The following NUMB variants were observed in gnomAD, a reference collection of about 807,000 sequenced individuals.
NUMB encodes NUMB endocytic adaptor protein.
A neutral mutation model predicts 59.7 loss-of-function variants in NUMB; 29 were observed. The ratio of observed to expected loss-of-function variants is 0.49; its 90% confidence interval spans 0.36 to 0.66. The LOEUF is 0.66. Ranked by LOEUF, NUMB falls within the 30% of genes least tolerant of loss-of-function variation. NUMB has a pLI of 0.00. For missense variants in NUMB, 723 were observed against 822.0 expected, an observed-to-expected ratio of 0.88 and a Z score of 1.47; for synonymous variants, 288 against 288.2, an observed-to-expected ratio of 1.00 and a Z score of 0.01.
At chr14:73,455,778 T>C (rs974939330) in intron 1 of NUMB, among the ~76,000 whole-genome samples, 1 of 152,232 alleles carries the variant, frequency 6.6e-6, no homozygotes, top group Non-Finnish European at 1.5e-5. Context: ...TTATTTTCTA[T>C]ACATGAAATT....
At chr14:73,369,704 CAT>C (rs1264058508) in intron 2 of NUMB, among the ~76,000 whole-genome samples, 6 of 152,196 alleles carry the variant, frequency 3.9e-5, no homozygotes, top group Non-Finnish European at 2.9e-5. Flanking sequence ...AACAGATTTA[CAT>C]ATGATACAAA....
chr14:73,450,108 G>A (rs1278215935), intron 1 of NUMB, among the ~76,000 whole-genome samples: 1 of 152,184 alleles, frequency 6.6e-6, no homozygotes, highest in Non-Finnish European at 1.5e-5. Context: ...GATCTAATGT[G>A]ATAATTATTA....
chr14:73,342,908 G>A (rs182614333), intron 4 of NUMB, among the ~76,000 whole-genome samples: 12 of 152,126 alleles, frequency 7.9e-5, no homozygotes, highest in South Asian at 4.2e-4. Flanking sequence ...GCAGTGATGC[G>A]ATCATGGCTT....
At chr14:73,288,853 C>G (rs1167364587) in intron 8 of NUMB, among the ~76,000 whole-genome samples, 1 of 151,730 alleles carries the variant, frequency 6.6e-6, no homozygotes, top group East Asian at 1.9e-4. Flanking sequence ...GAGCAAAACT[C>G]CGTCTCAAAA....
At chr14:73,430,672 T>C (rs963045843) in intron 1 of NUMB, among the ~76,000 whole-genome samples, 14 of 151,860 alleles carry the variant, frequency 9.2e-5, no homozygotes, top group African/African-American at 3.4e-4. Flanking sequence ...CCAGGCGTGG[T>C]GGCTCAAGCC....
intron 1 of NUMB, among the ~76,000 whole-genome samples, chr14:73,456,693 G>C (rs1187599700): frequency 6.6e-6 from 1 of 152,074 alleles, no homozygotes; most frequent in Non-Finnish European, 1.5e-5. Context: ...GGATCTTTTA[G>C]GCAATTTGCC....
In NUMB at chr14:73,275,903, T is replaced by C. The variant is rs1448807342; in HGVS notation, c.*675A>G. On this transcript the variant is annotated 3_prime_UTR_variant, in exon 13 of 13. Transcript: ENST00000555238. ...TACAATTTCTTACAACTAGCCCCTT[T>C]ACCTTTGGCAAGATTACTTACAACT... The C allele has an allele frequency of 6.6e-6, 1 of 152,668 alleles. No individual in the cohort carries two copies. Among genetic ancestry groups the C allele is most frequent in the Non-Finnish European group, 1.5e-5 (1 of 68,044 alleles). The allele number at this position is 152,668 out of a possible 1,614,324, so 9.5% of individuals were successfully genotyped here.
At chr14:73,329,956 T>C (rs113883271) in intron 4 of NUMB, among the ~76,000 whole-genome samples, 2 of 152,226 alleles carry the variant, frequency 1.3e-5, no homozygotes, top group African/African-American at 2.4e-5. Context: ...AAACTGCACC[T>C]CCTGTACCTC....
At chr14:73,342,580 C>T (rs1324343732) in intron 4 of NUMB, among the ~76,000 whole-genome samples, 4 of 152,036 alleles carry the variant, frequency 2.6e-5, no homozygotes, top group Non-Finnish European at 5.9e-5. Context: ...AAGCTTCAGG[C>T]CAACATTCAA....
Position 73,399,120 on chromosome 14 carries a change from A to C in NUMB, c.-101+10817T>G, listed in dbSNP as rs376529645. ...TTCCTTTTTTTGATCAAAAAAGAAT[A>C]AATAGATTCACAGCATAATACCATT... On this transcript the variant is annotated intron_variant, in intron 2 of 12. Coordinates refer to ENST00000555238, the MANE Select transcript of NUMB (RefSeq NM_001005743.2). 3.1e-5 allele frequency among the ~76,000 whole-genome samples: 4 copies of C among 131,142 alleles called. No individual in the cohort carries two copies. In the South Asian group the frequency reaches 9.2e-4, roughly 30 times the overall value. 86.0% of individuals were successfully genotyped at this position (131,142 alleles called of 152,430 possible). A position where few individuals can be genotyped will look rare whatever the true frequency, so the allele number is the denominator to read the frequency against.
rs1347346309 is a variant in NUMB at position 73,337,129 on chromosome 14, C to CTT, written c.127-13926_127-13925insAA. ...TGCCTGTCTCAAAAAAAGCAAGACTCTGTCTTTAAAAAAAAAAAATCATAA... is the reference window on the plus strand; with the variant it reads ...TGCCTGTCTCAAAAAAAGCAAGACTCTTTGTCTTTAAAAAAAAAAAATCATAA... On this transcript the variant is annotated intron_variant, in intron 4 of 12. Transcript: ENST00000555238. 2.6e-5 allele frequency among the ~76,000 whole-genome samples: 4 copies of CTT among 151,544 alleles called. No homozygotes were observed. In the East Asian group the frequency reaches 7.7e-4, roughly 29 times the overall value.
At chr14:73,445,381 A>AAACAAAAAC (rs1883412511) in intron 1 of NUMB, among the ~76,000 whole-genome samples, 6 of 129,790 alleles carry the variant, frequency 4.6e-5, no homozygotes, top group Admixed American at 1.5e-4. Context: ...AAAAAAAAAA[A>AAACAAAAAC]AAAAAAAAAA....
At chr14:73,413,795 T>G (rs987613776) in intron 1 of NUMB, among the ~76,000 whole-genome samples, 1 of 151,652 alleles carries the variant, frequency 6.6e-6, no homozygotes, top group African/African-American at 2.4e-5. Flanking sequence ...ACAAACAAAA[T>G]AAAAACAAAC....
intron 4 of NUMB, among the ~76,000 whole-genome samples, chr14:73,333,209 G>A (rs1297022599): frequency 1.1e-4 from 17 of 152,140 alleles, no homozygotes. Context: ...AGCAATGTAT[G>A]AGAGCTCCAA....
intron 2 of NUMB, among the ~76,000 whole-genome samples, chr14:73,380,788 G>A (rs745941047): frequency 1.6e-4 from 24 of 145,712 alleles, no homozygotes; most frequent in African/African-American, 6.1e-4. Flanking sequence ...GCTGTGGCAC[G>A]ATCTCCGCTC....
intron 4 of NUMB, among the ~76,000 whole-genome samples, chr14:73,327,240 A>T (rs1046408384): frequency 8.5e-5 from 13 of 152,112 alleles, no homozygotes; most frequent in African/African-American, 3.1e-4. Flanking sequence ...CAAGTTACAG[A>T]ATTTCCACTT....
At chr14:73,311,148 G>A (rs1190940420) in intron 6 of NUMB, among the ~76,000 whole-genome samples, 2 of 151,930 alleles carry the variant, frequency 1.3e-5, no homozygotes, top group African/African-American at 2.4e-5. Flanking sequence ...GCCTACCCCC[G>A]GTGTTCAAGC....
At chr14:73,424,115 C>G (rs560408225) in intron 1 of NUMB, among the ~76,000 whole-genome samples, 8 of 150,436 alleles carry the variant, frequency 5.3e-5, no homozygotes, top group African/African-American at 1.8e-4. Flanking sequence ...GCAAAAACCA[C>G]AATTACTCTC....
intron 6 of NUMB, among the ~76,000 whole-genome samples, chr14:73,308,027 C>A (rs972218546): frequency 6.6e-6 from 1 of 151,630 alleles, no homozygotes; most frequent in African/African-American, 2.4e-5. Flanking sequence ...GCCACCGCGC[C>A]CGGCCGGGCC....
Sources: allele counts gnomAD v4.1 joint callset (sites outside exome capture counted in the v4.1 genomes callset), GRCh38; gene constraint gnomAD v4.1.1; transcripts MANE v1.5; gene names NCBI Gene and HGNC (gene_info 2026-07-23, HGNC 2026-07-21).